BNIP3L: variants seen among roughly 807,000 people sequenced by gnomAD.
BNIP3L encodes BCL2 interacting protein 3 like.
Under a neutral mutation model 25.5 loss-of-function variants are expected in BNIP3L, and 10 were observed. The ratio of observed to expected loss-of-function variants is 0.39; its 90% CI spans 0.24 to 0.67. The LOEUF is 0.67. Ranked by LOEUF, BNIP3L falls within the 30% of genes least tolerant of loss-of-function variation. The probability of loss-of-function intolerance (pLI) is 0.45; values close to 1 mark genes in which losing one functional copy is unlikely to be tolerated. For synonymous variants in BNIP3L, 113 were observed against 101.2 expected (o/e 1.12, Z -0.70); for missense variants, 215 against 270.9 (o/e 0.79, Z 1.45).
At chr8:26,407,519 G>A (rs183649729) in intron 3 of BNIP3L, among the ~76,000 whole-genome samples, 1 of 151,448 alleles carries the variant, frequency 6.6e-6, no homozygotes, top group Non-Finnish European at 1.5e-5. Context: ...GTAAAGACGG[G>A]GTTTTACCAT....
At chr8:26,393,010 G>A (rs1264345112) in intron 2 of BNIP3L, among the ~76,000 whole-genome samples, 1 of 151,966 alleles carries the variant, frequency 6.6e-6, no homozygotes, top group Non-Finnish European at 1.5e-5. Flanking sequence ...GAGGAGGCAT[G>A]GCAAATGCTT....
chr8:26,388,286 T>C (rs926103727), intron 1 of BNIP3L, among the ~76,000 whole-genome samples: 1 of 152,252 alleles, frequency 6.6e-6, no homozygotes, highest in Non-Finnish European at 1.5e-5. Flanking sequence ...CCTTTCTTAT[T>C]GTTCTGCGTG....
intron 1 of BNIP3L, among the ~76,000 whole-genome samples, chr8:26,388,093 C>T (rs1231292846): frequency 6.6e-6 from 1 of 152,152 alleles, no homozygotes; most frequent in Non-Finnish European, 1.5e-5. Context: ...AAAAACTCTG[C>T]AAGTCTCCAT....
chr8:26,405,841 G>A (rs1429482045), intron 3 of BNIP3L, among the ~76,000 whole-genome samples: 3 of 138,836 alleles, frequency 2.2e-5, no homozygotes, highest in South Asian at 2.3e-4. Context: ...TCAGGAGTTC[G>A]AGACCAGCCT....
intron 3 of BNIP3L, among the ~76,000 whole-genome samples, chr8:26,401,009 G>A (rs1265993624): frequency 7.3e-6 from 1 of 137,852 alleles, no homozygotes; most frequent in Non-Finnish European, 1.6e-5. Context: ...TCAGTGTGGC[G>A]ATTCCTCAGG....
At chr8:26,395,040 T>G (rs1480954281) in intron 2 of BNIP3L, among the ~76,000 whole-genome samples, 190 bp from the exon 3 acceptor site, 1 of 152,210 alleles carries the variant, frequency 6.6e-6, no homozygotes, top group Non-Finnish European at 1.5e-5. Flanking sequence ...ATTTTGGGAG[T>G]AAGAATGCTC....
At chr8:26,393,509 C>A (rs1340778022) in intron 2 of BNIP3L, among the ~76,000 whole-genome samples, 2 of 151,232 alleles carry the variant, frequency 1.3e-5, no homozygotes, top group Non-Finnish European at 2.9e-5. Flanking sequence ...TAAAAGCTCC[C>A]CAGCCGATTC....
chr8:26,403,781 C>A (rs1349931521), intron 3 of BNIP3L, among the ~76,000 whole-genome samples: 1 of 152,018 alleles, frequency 6.6e-6, no homozygotes, highest in Admixed American at 6.6e-5. Flanking sequence ...CTCAAATGAT[C>A]CTCCCATGTC....
intron 3 of BNIP3L, among the ~76,000 whole-genome samples, chr8:26,406,032 G>C (rs919606114): frequency 2.6e-5 from 4 of 152,164 alleles, no homozygotes; most frequent in African/African-American, 9.6e-5. Context: ...GACAGAGCGA[G>C]ACTCCGTCTC....
chr8:26,408,266 A>G lies in BNIP3L; in HGVS notation c.501A>G (p.Leu167=). 6.2e-7 allele frequency: 1 copy of G among 1,614,118 alleles called. No homozygotes were observed. The highest frequency in any genetic ancestry group is 1.1e-5 in the South Asian group (1 of 91,088). The change falls in exon 5 of 6, where the codon TTA becomes TTG. Residue 167 remains leucine, a synonymous_variant. Transcript: ENST00000380629. ...HFRHPKRSVS[L]SMRKSGAMKK... ...GACACCCTAAACGTTCTGTGTCTTT[A>G]AGCATGAGGAAAAGTGGAGCCATGA... is the stretch of plus-strand genomic sequence containing the variant.
intron 3 of BNIP3L, among the ~76,000 whole-genome samples, chr8:26,404,748 T>G (rs750493142): frequency 2.0e-5 from 3 of 152,246 alleles, no homozygotes; most frequent in Non-Finnish European, 4.4e-5. Flanking sequence ...CCTCAAGTGA[T>G]CCGTCCACCT....
chr8:26,396,029 C>T (rs932207223), intron 3 of BNIP3L: 10 of 130,050 alleles, frequency 7.7e-5, no homozygotes, highest in Admixed American at 6.9e-4. Context: ...AACTGCAAGG[C>T]GGCAGCGAGG....
In BNIP3L at chr8:26,391,349, A is replaced by G; in HGVS notation, c.207A>G (p.Gly69=). ...HVPSSSSIHN[G]DMEKILLDAQ... ...CATCCTCATCCTCCATCCACAATGG[A>G]GACATGGAGAAGATTCTTTTGGATG... Residue 69 remains glycine (G), a synonymous_variant, in exon 2 of 6, where the codon GGA becomes GGG. Coordinates refer to ENST00000380629, the MANE Select transcript of BNIP3L (RefSeq NM_004331.3). 5 of 1,611,052 alleles carry G rather than the reference A, an allele frequency of 3.1e-6. No homozygotes were observed. The highest frequency in any genetic ancestry group is 4.2e-6 in the Non-Finnish European group (5 of 1,178,816).
At chr8:26,407,914 T>C (rs1329175556) in intron 3 of BNIP3L, 86 bp from the exon 4 acceptor site, 1 of 1,164,106 alleles carries the variant, frequency 8.6e-7, no homozygotes, top group East Asian at 2.5e-5. Context: ...CCTTATGAGT[T>C]TGGTATCTTT....
chr8:26,392,783 C>G (rs1247944508), intron 2 of BNIP3L, among the ~76,000 whole-genome samples: 2 of 152,120 alleles, frequency 1.3e-5, no homozygotes, highest in South Asian at 4.1e-4. Flanking sequence ...CTTGTTATGG[C>G]CTGTCAACAA....
chr8:26,399,796 A>G (rs1474925417), intron 3 of BNIP3L, among the ~76,000 whole-genome samples: 1 of 70,864 alleles, frequency 1.4e-5, no homozygotes, highest in East Asian at 9.1e-4. Flanking sequence ...CCAAATCATG[A>G]GTGAACTCCC....
At chr8:26,400,223 A>G (rs937089303) in intron 3 of BNIP3L, among the ~76,000 whole-genome samples, 1 of 151,964 alleles carries the variant, frequency 6.6e-6, no homozygotes, top group Admixed American at 6.6e-5. Flanking sequence ...ATAGATATAG[A>G]TCAATGGAAC....
rs754387653 is a variant in BNIP3L at position 26,395,314 on chromosome 8, G to A, written c.357+12G>A. ...ACCATAGCTCTCAGGTGTGTCGGGG[G>A]GATTCTGATTTACAGTAAACAATTA... On this transcript the variant is annotated intron_variant, in intron 3 of 5. Coordinates refer to ENST00000380629, the MANE Select transcript of BNIP3L (RefSeq NM_004331.3). The A allele has an allele frequency of 1.2e-6, 2 of 1,611,356 alleles. No individual in the cohort carries two copies. Among genetic ancestry groups the A allele is most frequent in the South Asian group, 1.1e-5 (1 of 90,622 alleles).
chr8:26,383,070 G>A lies in BNIP3L; in HGVS notation c.-61G>A. On this transcript the variant is annotated 5_prime_UTR_variant, in exon 1 of 6. Transcript: ENST00000380629. ...GGGGGCGGCGGACTCGGCTTGTTGT[G>A]TTGCTGCCTGAGTGCCGGAGACGGT... 6.8e-7 allele frequency: 1 copy of A among 1,462,498 alleles called. No homozygotes were observed. The highest frequency in any genetic ancestry group is 9.3e-7 in the Non-Finnish European group (1 of 1,073,634). The allele number at this position is 1,462,498 out of a possible 1,614,324, so 90.6% of individuals were successfully genotyped here.
Sources: gnomAD v4.1 joint callset for allele counts (sites outside exome capture counted in the v4.1 genomes callset) on GRCh38, gnomAD v4.1.1 for gene constraint, MANE v1.5 for transcripts, NCBI Gene and HGNC (gene_info 2026-07-23, HGNC 2026-07-21) for gene names.